Variants in TAS2R1 observed in about 807,000 individuals in gnomAD.
TAS2R1 encodes the protein taste receptor type 2 member 1.
For synonymous variants in TAS2R1, 141 were observed against 134.2 expected (o/e 1.05, Z -0.35); for missense variants, 370 against 353.4 (o/e 1.05, Z -0.38).
chr5:9,712,487 A>C (rs1233635163), upstream of TAS2R1: 1 of 152,236 alleles, frequency 6.6e-6, no homozygotes, highest in Non-Finnish European at 1.5e-5. Flanking sequence ...TCATCTAATC[A>C]GTTGACAGTC....
At chr5:9,887,474 C>T in the TAS2R1 span, among the ~76,000 whole-genome samples, 10 of 152,294 alleles carry the variant, frequency 6.6e-5, no homozygotes, top group African/African-American at 2.4e-4. Context: ...TTCCTGCTTC[C>T]CCTGCTATCT....
chr5:9,860,845 T>C, the TAS2R1 span, among the ~76,000 whole-genome samples: 63 of 152,218 alleles, frequency 4.1e-4, no homozygotes, highest in African/African-American at 1.3e-3. Context: ...GCAGTGAAAA[T>C]GTGGGAGCAG....
chr5:9,892,541 A>G, the TAS2R1 span, among the ~76,000 whole-genome samples: 1 of 151,974 alleles, frequency 6.6e-6, no homozygotes, highest in Admixed American at 6.6e-5. Context: ...CTACATAACA[A>G]CCTCAGGATG....
At chr5:9,670,918 C>T (rs946676705) in intron 1 of TAS2R1, among the ~76,000 whole-genome samples, 1 of 152,134 alleles carries the variant, frequency 6.6e-6, no homozygotes, top group Non-Finnish European at 1.5e-5. Flanking sequence ...CCAAATCCAG[C>T]AGCACATCAA....
the TAS2R1 span, among the ~76,000 whole-genome samples, chr5:9,754,852 C>A: frequency 2.0e-5 from 3 of 152,296 alleles, no homozygotes; most frequent in Admixed American, 2.0e-4. Context: ...CCATCCCCAT[C>A]AAGCTACCAA....
At chr5:9,869,428 T>G in the TAS2R1 span, among the ~76,000 whole-genome samples, 1 of 152,266 alleles carries the variant, frequency 6.6e-6, no homozygotes, top group Admixed American at 6.5e-5. Flanking sequence ...CTCATGAAAC[T>G]TATTCACTTT....
chr5:9,727,052 C>G, the TAS2R1 span, among the ~76,000 whole-genome samples: 32,356 of 152,120 alleles, frequency 0.21, 3,886 homozygotes, highest in African/African-American at 0.33. Flanking sequence ...ATTAGTAGTA[C>G]AAGTAGTCAT....
chr5:9,747,725 G>C, the TAS2R1 span, among the ~76,000 whole-genome samples: 3 of 151,794 alleles, frequency 2.0e-5, no homozygotes, highest in Non-Finnish European at 4.4e-5. Context: ...AGCACCAGGG[G>C]AGAAAGTAGG....
At chr5:9,894,246 T>C in the TAS2R1 span, among the ~76,000 whole-genome samples, 3 of 151,740 alleles carry the variant, frequency 2.0e-5, no homozygotes, top group Non-Finnish European at 4.4e-5. Flanking sequence ...CTACTAAAAA[T>C]ACAAAAAATT....
chr5:9,839,621 T>G, the TAS2R1 span, among the ~76,000 whole-genome samples: 1 of 152,282 alleles, frequency 6.6e-6, no homozygotes, highest in South Asian at 2.1e-4. Flanking sequence ...GACTCAAAGC[T>G]CTATCACAGC....
chr5:9,798,124 G>A, the TAS2R1 span, among the ~76,000 whole-genome samples: 1 of 152,178 alleles, frequency 6.6e-6, no homozygotes, highest in East Asian at 1.9e-4. Context: ...AAGCCAGACA[G>A]AAAAGATCCC....
chr5:9,651,285 A>G (rs1561369475), intron 2 of TAS2R1, among the ~76,000 whole-genome samples: 1 of 152,208 alleles, frequency 6.6e-6, no homozygotes, highest in Non-Finnish European at 1.5e-5. Flanking sequence ...AATCTAATTA[A>G]CATAAATCTG....
intron 1 of TAS2R1, among the ~76,000 whole-genome samples, chr5:9,692,253 T>C (rs948075853): frequency 6.6e-6 from 1 of 152,188 alleles, no homozygotes; most frequent in Non-Finnish European, 1.5e-5. Flanking sequence ...AGGCCAACTA[T>C]ATACATAGGA....
the TAS2R1 span, among the ~76,000 whole-genome samples, chr5:9,847,974 G>T: frequency 6.6e-6 from 1 of 152,184 alleles, no homozygotes; most frequent in East Asian, 1.9e-4. Context: ...CAGACTTACT[G>T]AATCAGAAAC....
the TAS2R1 span, among the ~76,000 whole-genome samples, chr5:9,799,594 G>A: frequency 3.0e-4 from 46 of 152,206 alleles, no homozygotes; most frequent in Middle Eastern, 3.4e-3. Flanking sequence ...CCACCATACC[G>A]TTTCACTGAT....
chr5:9,708,688 T>C (rs1464505424), intron 1 of TAS2R1, among the ~76,000 whole-genome samples: 5 of 152,132 alleles, frequency 3.3e-5, no homozygotes, highest in Admixed American at 3.3e-4. Flanking sequence ...CATTCAATCA[T>C]TAAATCTTGG....
chr5:9,865,746 T>C, the TAS2R1 span, among the ~76,000 whole-genome samples: 1 of 152,264 alleles, frequency 6.6e-6, no homozygotes, highest in African/African-American at 2.4e-5. Context: ...CTCTCATTGT[T>C]TCCCATCACA....
chr5:9,895,801 T>C, the TAS2R1 span, among the ~76,000 whole-genome samples: 1 of 152,218 alleles, frequency 6.6e-6, no homozygotes, highest in Non-Finnish European at 1.5e-5. Flanking sequence ...GAAATTATAA[T>C]TCTAGAGGCA....
chr5:9,782,031 G>C, the TAS2R1 span, among the ~76,000 whole-genome samples: 1 of 152,148 alleles, frequency 6.6e-6, no homozygotes, highest in Non-Finnish European at 1.5e-5. Flanking sequence ...TGGCTCAAGC[G>C]GGTCCTCAAT....
Sources: gnomAD v4.1 joint callset for allele counts (sites outside exome capture counted in the v4.1 genomes callset) on GRCh38, gnomAD v4.1.1 for gene constraint, MANE v1.5 for transcripts, NCBI Gene and HGNC (gene_info 2026-07-23, HGNC 2026-07-21) for gene names.